RNASEH2A: variants seen among roughly 807,000 people sequenced by gnomAD.
RNASEH2A encodes ribonuclease H2 subunit A.
RNASEH2A carries 30 observed loss-of-function variants against 32.7 expected under a neutral mutation model. That is an observed-to-expected ratio of 0.92 (90% confidence interval 0.69 to 1.25). The LOEUF is 1.25. Among genes scored for constraint, RNASEH2A ranks in the 50% most tolerant of loss-of-function variants. RNASEH2A has a pLI of 0.00. For missense variants in RNASEH2A, 409 were observed against 398.1 expected, an observed-to-expected ratio of 1.03 and a Z score of -0.23; for synonymous variants, 147 against 165.4, an observed-to-expected ratio of 0.89 and a Z score of 0.86.
At position 12,807,213 on chromosome 19, in the gene RNASEH2A, G is replaced by C; in HGVS notation, c.207G>C (p.Lys69Asn). The change falls in exon 3 of 8, where the codon AAG becomes AAC. Residue 69 changes from lysine to asparagine, a missense_variant. Transcript: ENST00000221486. Reference protein sequence around the residue: ...DLEALKVADSKTLLESERERL... With the variant: ...DLEALKVADSNTLLESERERL... ...TTCCAAACCTCCTCCCAGACTCAAA[G>C]ACCCTATTGGAGAGCGAGCGGGAAA... 6.2e-7 allele frequency: 1 copy of C among 1,614,174 alleles called. No homozygotes were observed. Among genetic ancestry groups the C allele is most frequent in the Non-Finnish European group, 8.5e-7 (1 of 1,180,028 alleles).
intron 4 of RNASEH2A, chr19:12,807,784 T>G: frequency 4.9e-6 from 2 of 408,684 alleles, no homozygotes; most frequent in Non-Finnish European, 9.3e-6. Context: ...ATACAAAAAT[T>G]AGCTGGACGT....
intron 4 of RNASEH2A, among the ~76,000 whole-genome samples, chr19:12,809,132 T>C (rs1599534377): frequency 6.6e-6 from 1 of 152,014 alleles, no homozygotes; most frequent in African/African-American, 2.4e-5. Context: ...CCCAGCACTT[T>C]GGGAGGCCGA....
At chr19:12,811,402 G>A (rs941221874) in intron 6 of RNASEH2A, among the ~76,000 whole-genome samples, 1 of 151,788 alleles carries the variant, frequency 6.6e-6, no homozygotes, top group African/African-American at 2.4e-5. Flanking sequence ...TTGAGTCCTC[G>A]AGTTCAAGAC....
intron 4 of RNASEH2A, chr19:12,807,793 G>T: frequency 2.5e-6 from 1 of 402,772 alleles, no homozygotes; most frequent in Non-Finnish European, 4.7e-6. Flanking sequence ...TTAGCTGGAC[G>T]TGGTGGCAGG....
Position 12,807,049 on chromosome 19 carries a change from C to G in RNASEH2A, c.169C>G (p.Leu57Val), listed in dbSNP as rs775194617. ...YAICYCPLPRLADLEALKVAD... is the reference protein window; with the variant it reads ...YAICYCPLPRVADLEALKVAD... ...CATCTGTTATTGTCCCCTGCCTCGC[C>G]TGGCAGATCTGGAGGCGCTGAAAGT... The change falls in exon 2 of 8, where the codon CTG becomes GTG. Residue 57 changes from leucine (L) to valine (V), a missense_variant. By Grantham distance (32) the Leu-to-Val change is conservative. Transcript: ENST00000221486. 1.2e-6 allele frequency: 2 copies of G among 1,614,050 alleles called. No individual in the cohort carries two copies.
At chr19:12,808,314 C>A (rs1003905372) in intron 4 of RNASEH2A, among the ~76,000 whole-genome samples, 3 of 152,138 alleles carry the variant, frequency 2.0e-5, no homozygotes, top group Admixed American at 6.6e-5. Context: ...GCATCAGATA[C>A]GTCTGGAGTG....
At chr19:12,809,214 A>C (rs2145826779) in intron 4 of RNASEH2A, among the ~76,000 whole-genome samples, 2 of 152,332 alleles carry the variant, frequency 1.3e-5, no homozygotes, top group Middle Eastern at 6.8e-3. Flanking sequence ...CTCTACTAAA[A>C]ATAAAAAATA....
At position 12,813,331 on chromosome 19, in the gene RNASEH2A, G is replaced by A; in HGVS notation, c.765G>A (p.Glu255=). The change falls in exon 8 of 8, where the codon GAG becomes GAA. Residue 255 remains glutamate, a synonymous_variant. Coordinates refer to ENST00000221486, the MANE Select transcript of RNASEH2A (RefSeq NM_006397.3). ...LEKEAEDVIW[E]DSASENQEGL... Reference sequence around the variant, plus strand: ...TGTCATCACCTCTCTCCCACAGGGAGGACTCAGCATCCGAGAATCAGGAGG... The same window carrying A: ...TGTCATCACCTCTCTCCCACAGGGAAGACTCAGCATCCGAGAATCAGGAGG... 3 of 1,614,132 alleles carry A rather than the reference G, an allele frequency of 1.9e-6. No individual in the cohort carries two copies. The highest frequency in any genetic ancestry group is 2.5e-6 in the Non-Finnish European group (3 of 1,180,034).
chr19:12,812,659 A>G (rs898261723), intron 6 of RNASEH2A, among the ~76,000 whole-genome samples: 3 of 152,164 alleles, frequency 2.0e-5, no homozygotes, highest in Non-Finnish European at 4.4e-5. Flanking sequence ...CTGTGGCAAG[A>G]AGGTGCTTCA....
chr19:12,811,771 G>C (rs1312452122), intron 6 of RNASEH2A, among the ~76,000 whole-genome samples: 2 of 151,684 alleles, frequency 1.3e-5, no homozygotes, highest in African/African-American at 4.8e-5. Flanking sequence ...TACAAAATTA[G>C]CTGGACGTGG....
chr19:12,807,632 C>T, intron 4 of RNASEH2A, 126 bp downstream of exon 4: 1 of 876,492 alleles, frequency 1.1e-6, no homozygotes, highest in Non-Finnish European at 1.9e-6. Context: ...AAAGGAAGCC[C>T]CCCAACTCAA....
At chr19:12,810,431 A>G (rs1269008745) in intron 6 of RNASEH2A, 27 bp downstream of exon 6, 1 of 1,571,042 alleles carries the variant, frequency 6.4e-7, no homozygotes, top group Non-Finnish European at 8.8e-7. Context: ...CCATGGTACT[A>G]ATGTTGAAAT....
chr19:12,813,129 C>G lies in RNASEH2A; in HGVS notation c.684C>G (p.Phe228Leu). Residue 228 changes from phenylalanine (F) to leucine (L), a missense_variant, in exon 7 of 8, where the codon TTC (phenylalanine) becomes TTG (leucine). Physicochemically the swap from Phe to Leu is conservative, Grantham distance 22. Transcript: ENST00000221486. The stretch of plus-strand genomic sequence containing the variant: ...TGAAGGAGCACGTGGAGCCTGTGTT[C>G]GGCTTCCCCCAGTTTGTCCGGTTCA... The part of the protein sequence containing the change: ...AWLKEHVEPV[F>L]GFPQFVRFSW... 6.2e-7 allele frequency: 1 copy of G among 1,614,080 alleles called. No homozygotes were observed. Among genetic ancestry groups the G allele is most frequent in the Non-Finnish European group, 8.5e-7 (1 of 1,180,026 alleles).
At chr19:12,812,180 G>A (rs1204738233) in intron 6 of RNASEH2A, among the ~76,000 whole-genome samples, 1 of 151,916 alleles carries the variant, frequency 6.6e-6, no homozygotes, top group Non-Finnish European at 1.5e-5. Flanking sequence ...GTTGCATTGA[G>A]CTGTGATAAT....
chr19:12,809,488 TCAC>T (rs1341530134), intron 4 of RNASEH2A, among the ~76,000 whole-genome samples: 1 of 152,154 alleles, frequency 6.6e-6, no homozygotes, highest in Non-Finnish European at 1.5e-5. Context: ...AAGCCTTTAT[TCAC>T]CACTACACCT....
Position 12,810,412 on chromosome 19 carries a change from G to A in RNASEH2A, c.637+8G>A, listed in dbSNP as rs757139110. On this transcript the variant is annotated splice_region_variant and intron_variant, in intron 6 of 7. Coordinates refer to ENST00000221486, the MANE Select transcript of RNASEH2A (RefSeq NM_006397.3). ...GCTCAGGCTACCCCAATGGTGAGCA[G>A]ACACGTGACCATGGTACTAATGTTG... The A allele has an allele frequency of 2.4e-5, 39 of 1,612,256 alleles. No homozygotes were observed. The highest frequency in any genetic ancestry group is 3.3e-5 in the Non-Finnish European group (39 of 1,178,342).
rs1476806613 is a variant in RNASEH2A, at chr19:12,807,256, G to A, written c.250G>A (p.Glu84Lys). Residue 84 changes from glutamate to lysine, a missense_variant, in exon 3 of 8, where the codon GAG (glutamate) becomes AAG (lysine). Transcript: ENST00000221486. ...GCGGGAAAGGCTGTTTGCGAAAATGGAGGACACGGACTTTGTCGGCTGGGC... is the reference window on the plus strand; with the variant it reads ...GCGGGAAAGGCTGTTTGCGAAAATGAAGGACACGGACTTTGTCGGCTGGGC... Reference protein sequence around the residue: ...SERERLFAKMEDTDFVGWALD... With the variant: ...SERERLFAKMKDTDFVGWALD... 3 of 1,614,070 alleles carry A rather than the reference G, an allele frequency of 1.9e-6. No individual in the cohort carries two copies. In the African/African-American group the frequency reaches 4.0e-5, roughly 22 times the overall value.
rs762503607 is a variant in RNASEH2A, at chr19:12,810,106, C to A, written c.447C>A (p.Tyr149Ter). Residue 149 changes from tyrosine to a stop codon, truncating the protein, a stop_gained, in exon 5 of 8, where the codon TAC (tyrosine) becomes TAA (stop). Transcript: ENST00000221486. LOFTEE classifies it high-confidence loss of function. ...FVDTVGMPET[Y>*]QARLQQSFPG... The stretch of plus-strand genomic sequence containing the variant: ...ACACCGTAGGGATGCCAGAGACATA[C>A]CAGGCGCGGCTGCAGCAAAGTTTTC... 6.2e-7 allele frequency: 1 copy of A among 1,614,160 alleles called. No homozygotes were observed.
At chr19:12,810,511 ATT>A in intron 6 of RNASEH2A, 107 bp downstream of exon 6, 1 of 1,069,104 alleles carries the variant, frequency 9.4e-7, no homozygotes, top group Non-Finnish European at 1.4e-6. Flanking sequence ...TATTTTGCTT[ATT>A]TTTTGTTTTT....
Sources: gnomAD v4.1 joint callset for allele counts (sites outside exome capture counted in the v4.1 genomes callset) on GRCh38, gnomAD v4.1.1 for gene constraint, MANE v1.5 for transcripts, NCBI Gene and HGNC (gene_info 2026-07-23, HGNC 2026-07-21) for gene names.